PCDHGA9: variants seen among roughly 807,000 people sequenced by gnomAD.
The protein encoded by PCDHGA9 is protocadherin gamma subfamily A, 9, also known as protocadherin gamma-A9.
PCDHGA9 carries 37 observed loss-of-function variants against 62.5 expected under a neutral mutation model. The ratio of observed to expected loss-of-function variants is 0.59; its 90% CI spans 0.46 to 0.78. PCDHGA9 has a LOEUF of 0.78. Among genes scored for constraint, PCDHGA9 ranks in the 30% least tolerant of loss-of-function variants. The pLI, the probability that PCDHGA9 is intolerant of heterozygous loss-of-function variation, is 0.00. For missense variants in PCDHGA9, 1,138 were observed against 1,166.2 expected (o/e 0.98, Z 0.35); for synonymous variants, 459 against 484.6 (o/e 0.95, Z 0.69).
intron 1 of PCDHGA9, chr5:141,478,576 G>T (rs543160289): frequency 5.0e-6 from 8 of 1,585,598 alleles, no homozygotes; most frequent in Non-Finnish European, 6.9e-6. Flanking sequence ...GCTTGACCCT[G>T]TTAGTGCTTT....
chr5:141,487,749 A>G lies in PCDHGA9; in HGVS notation c.2425-7058A>G, dbSNP rs574710316. 3.9e-5 allele frequency: 60 copies of G among 1,557,180 alleles called. No homozygotes were observed. The African/African-American group carries it at 5.6e-4, about 14-fold the overall frequency. ...GTCACCATTTTTGTAAGAGGTAACT[A>G]TGTGGTAGACGCTGTGCTTTGTAAC... is the stretch of plus-strand genomic sequence containing the variant. On this transcript the variant is annotated intron_variant, in intron 1 of 3. Coordinates refer to ENST00000573521, the MANE Select transcript of PCDHGA9 (RefSeq NM_018921.3). The surrounding 1 kb of genome is among the most constrained non-coding windows in gnomAD (Gnocchi z 5.0).
chr5:141,427,483 A>G lies in PCDHGA9; in HGVS notation c.2424+22107A>G, dbSNP rs759092057. The G allele has an allele frequency of 1.5e-4, 79 of 535,350 alleles. 2 individuals carry two copies. The highest frequency in any genetic ancestry group is 1.1e-3 in the South Asian group (73 of 65,268). 33.2% of individuals were successfully genotyped at this position (535,350 alleles called of 1,614,324 possible). ...ATCGAATCTTCCGCCAATAATGACT[A>G]TAAGCTTGTAACAGATGGGACCCTG... On this transcript the variant is annotated intron_variant, in intron 1 of 3. Coordinates refer to ENST00000573521, the MANE Select transcript of PCDHGA9 (RefSeq NM_018921.3).
chr5:141,410,414 G>A lies in PCDHGA9; in HGVS notation c.2424+5038G>A, dbSNP rs201698858. On this transcript the variant is annotated intron_variant, in intron 1 of 3. Coordinates refer to ENST00000573521, the MANE Select transcript of PCDHGA9 (RefSeq NM_018921.3). ...TGGTCTCTGTGTCAAGTCTGGACCT[G>A]TAGTTCCCCCCAACTACAGTGAGGG... 2.0e-4 allele frequency: 326 copies of A among 1,613,916 alleles called. 1 individual carries two copies. The highest frequency in any genetic ancestry group is 2.7e-4 in the Non-Finnish European group (315 of 1,179,910).
At position 141,431,365 on chromosome 5, in the gene PCDHGA9, C is replaced by T. The variant is rs2097365932; in HGVS notation, c.2424+25989C>T. ...TGGTGCTGAAACGCGCCCTGGACCG[C>T]GAAGAAAAGGCTGCTCACCACCTGG... On this transcript the variant is annotated intron_variant, in intron 1 of 3. Coordinates refer to ENST00000573521, the MANE Select transcript of PCDHGA9 (RefSeq NM_018921.3). The surrounding 1 kb of genome is among the most constrained non-coding windows in gnomAD (Gnocchi z 4.8). 6 of 1,613,980 alleles carry T rather than the reference C, an allele frequency of 3.7e-6. No homozygotes were observed. Among genetic ancestry groups the T allele is most frequent in the Non-Finnish European group, 5.1e-6 (6 of 1,180,028 alleles).
intron 1 of PCDHGA9, among the ~76,000 whole-genome samples, chr5:141,444,192 A>ATT: frequency 1.9e-5 from 1 of 52,730 alleles, no homozygotes; most frequent in African/African-American, 7.7e-5. Flanking sequence ...TTTTTTTGAG[A>ATT]TGGAGTTTCA....
rs752708726 is a variant in PCDHGA9 at position 141,413,991 on chromosome 5, C to T, written c.2424+8615C>T. 1.9e-6 allele frequency: 3 copies of T among 1,613,494 alleles called. No homozygotes were observed. The East Asian group carries it at 6.7e-5, about 36-fold the overall frequency. ...AGCTGCTGACAGTCACAGCCACCGA[C>T]AGGGACGAAGGTGCCAATGGAGAAG... On this transcript the variant is annotated intron_variant, in intron 1 of 3. Coordinates refer to ENST00000573521, the MANE Select transcript of PCDHGA9 (RefSeq NM_018921.3).
chr5:141,488,502 C>T (rs989368385), intron 1 of PCDHGA9, among the ~76,000 whole-genome samples: 2 of 152,146 alleles, frequency 1.3e-5, no homozygotes, highest in Non-Finnish European at 2.9e-5. Context: ...ACACTCATTC[C>T]ACATTTGGGG....
At chr5:141,410,216 C>T in intron 1 of PCDHGA9, 1 of 1,614,002 alleles carries the variant, frequency 6.2e-7, no homozygotes, top group Non-Finnish European at 8.5e-7. Flanking sequence ...GCAAGAGATA[C>T]TGCCAGACCT....
chr5:141,494,142 A>G (rs2099752161), intron 1 of PCDHGA9, among the ~76,000 whole-genome samples: 1 of 152,090 alleles, frequency 6.6e-6, no homozygotes, highest in South Asian at 2.1e-4. Context: ...TTAGTCACAG[A>G]CCATTGTCTG....
At chr5:141,472,778 G>T (rs1244170163) in intron 1 of PCDHGA9, among the ~76,000 whole-genome samples, 1 of 151,878 alleles carries the variant, frequency 6.6e-6, no homozygotes, top group Non-Finnish European at 1.5e-5. Flanking sequence ...CTGAGGTTGG[G>T]AGTTCAAGAT....
intron 1 of PCDHGA9, chr5:141,422,641 A>G (rs557969590): frequency 1.2e-6 from 2 of 1,612,356 alleles, no homozygotes; most frequent in Admixed American, 1.7e-5. Context: ...GGGTGCCTCC[A>G]TCTTCTCAGT....
rs551220443 is a variant in PCDHGA9, at chr5:141,432,206, G to A, written c.2424+26830G>A. On this transcript the variant is annotated intron_variant, in intron 1 of 3. Transcript: ENST00000573521. The surrounding 1 kb of genome is among the most constrained non-coding windows in gnomAD (Gnocchi z 6.0). ...GACCGCCCACGACCCCGACTGTGAA[G>A]AGAACGCCCAGATCACTTATTCCCT... The A allele has an allele frequency of 6.2e-7, 1 of 1,614,096 alleles. No individual in the cohort carries two copies. Among genetic ancestry groups the A allele is most frequent in the Non-Finnish European group, 8.5e-7 (1 of 1,180,042 alleles).
chr5:141,505,705 GAA>G (rs1250788277), intron 3 of PCDHGA9, among the ~76,000 whole-genome samples: 1 of 152,198 alleles, frequency 6.6e-6, no homozygotes, highest in Non-Finnish European at 1.5e-5. Flanking sequence ...AGCGAACAAG[GAA>G]AAGACTCATG....
chr5:141,467,015 T>C (rs1423064392), intron 1 of PCDHGA9, among the ~76,000 whole-genome samples: 1 of 152,072 alleles, frequency 6.6e-6, no homozygotes. Flanking sequence ...GCAATTTTTT[T>C]CCCTTTGTTT....
At chr5:141,409,858 G>A in intron 1 of PCDHGA9, 2 of 1,612,340 alleles carry the variant, frequency 1.2e-6, no homozygotes, top group Non-Finnish European at 1.7e-6. Context: ...GCGTGTTGGT[G>A]GGAGACCGCA....
In PCDHGA9 at chr5:141,403,694, C is replaced by A. The variant is rs746395931; in HGVS notation, c.742C>A (p.Arg248=). ...NAPVFAQRIY[R]VKVLENVPPG... ...CCCGGTTTTTGCTCAACGGATTTAC[C>A]GAGTTAAAGTCCTTGAGAACGTGCC... Residue 248 remains arginine (R), a synonymous_variant, in exon 1 of 4, where the codon CGA becomes AGA. Transcript: ENST00000573521. 2.5e-6 allele frequency: 4 copies of A among 1,613,878 alleles called. No individual in the cohort carries two copies. The highest frequency in any genetic ancestry group is 1.7e-5 in the Admixed American group (1 of 60,016).
chr5:141,483,255 GTTTT>G (rs147039946), intron 1 of PCDHGA9, among the ~76,000 whole-genome samples: 7,425 of 152,114 alleles, frequency 0.049, 355 homozygotes, highest in African/African-American at 0.13. Context: ...ATATCATGAG[GTTTT>G]TTTGTTTTAG....
Position 141,487,931 on chromosome 5 carries a change from G to A in PCDHGA9, c.2425-6876G>A. The stretch of plus-strand genomic sequence containing the variant: ...AGCACAGGAGGCTACAGTGCACAGG[G>A]TACAGTGCACCAGGCAGTCACTTGG... On this transcript the variant is annotated intron_variant, in intron 1 of 3. Transcript: ENST00000573521. The surrounding 1 kb of genome is among the most constrained non-coding windows in gnomAD (Gnocchi z 5.0). The A allele has an allele frequency of 1.6e-6, 1 of 612,954 alleles. No homozygotes were observed. The highest frequency in any genetic ancestry group is 2.8e-6 in the Non-Finnish European group (1 of 351,318). 38.0% of individuals were successfully genotyped at this position (612,954 alleles called of 1,614,324 possible). A position where few individuals can be genotyped will look rare whatever the true frequency, so the allele number is the denominator to read the frequency against.
At chr5:141,447,642 T>G (rs1275164919) in intron 1 of PCDHGA9, among the ~76,000 whole-genome samples, 2 of 152,166 alleles carry the variant, frequency 1.3e-5, no homozygotes, top group Non-Finnish European at 2.9e-5. Flanking sequence ...TGAATGATGG[T>G]AGAATTTTCC....
Sources: allele counts gnomAD v4.1 joint callset (sites outside exome capture counted in the v4.1 genomes callset), GRCh38; gene constraint gnomAD v4.1.1; non-coding constraint Gnocchi (gnomAD v3.1); transcripts MANE v1.5; gene names NCBI Gene and HGNC (gene_info 2026-07-23, HGNC 2026-07-21).